The following DACH1 variants were observed in gnomAD, a reference collection of about 807,000 sequenced individuals.
DACH1 encodes dachshund family transcription factor 1.
A neutral mutation model predicts 54.2 loss-of-function variants in DACH1; 12 were observed. The ratio of observed to expected loss-of-function variants is 0.22; its 90% CI spans 0.14 to 0.36. DACH1 has a LOEUF of 0.36. DACH1 is among the 10% of genes least tolerant of loss of function. DACH1 has a pLI of 1.00. For missense variants in DACH1, 805 were observed against 929.8 expected (o/e 0.87, Z 1.75); for synonymous variants, 386 against 366.2 (o/e 1.05, Z -0.62).
At chr13:71,768,497 A>T (rs536860401) in intron 1 of DACH1, among the ~76,000 whole-genome samples, 2 of 151,956 alleles carry the variant, frequency 1.3e-5, no homozygotes, top group Non-Finnish European at 2.9e-5. Flanking sequence ...AACAAATGTG[A>T]CTGGAAAAAA....
At position 71,520,388 on chromosome 13, in the gene DACH1, T is replaced by C. The variant is rs369685788; in HGVS notation, c.1571-31240A>G. Among the ~76,000 whole-genome samples the C allele has an allele frequency of 7.2e-5, 11 of 151,810 alleles. No individual in the cohort carries two copies. In the East Asian group the frequency reaches 1.6e-3, roughly 21 times the overall value. On this transcript the variant is annotated intron_variant, in intron 6 of 10. Coordinates refer to ENST00000613252, the MANE Select transcript of DACH1 (RefSeq NM_080759.6). Reference sequence around the variant, plus strand: ...TATTTTAGACTATCCAGATTAAATATAGAATAAATTGAAGCTTGTCCCCAA... The same window carrying C: ...TATTTTAGACTATCCAGATTAAATACAGAATAAATTGAAGCTTGTCCCCAA...
chr13:71,506,821 A>C (rs1880371678), intron 6 of DACH1, among the ~76,000 whole-genome samples: 1 of 151,900 alleles, frequency 6.6e-6, no homozygotes, highest in African/African-American at 2.4e-5. Flanking sequence ...TTCCCTATTT[A>C]ATAAATGGTG....
chr13:71,519,882 A>ATTATATATATATATATATAT lies in DACH1; in HGVS notation c.1571-30735_1571-30734insATATATATATATATATATAA, dbSNP rs1555290464. On this transcript the variant is annotated intron_variant, in intron 6 of 10. Transcript: ENST00000613252. ...TAGATGTTTGTGTCCAAACCAAAGT[A>ATTATATATATATATATATAT]GTATATATATATATATATATATATA... Among the ~76,000 whole-genome samples, 43 of 35,548 alleles carry ATTATATATATATATATATAT rather than the reference A, an allele frequency of 1.2e-3. 1 individual carries two copies. Among genetic ancestry groups the ATTATATATATATATATATAT allele is most frequent in the South Asian group, 7.2e-3 (4 of 556 alleles). 23.3% of individuals were successfully genotyped at this position (35,548 alleles called of 152,430 possible).
chr13:71,580,491 G>A (rs1340331694), intron 3 of DACH1, among the ~76,000 whole-genome samples: 1 of 152,072 alleles, frequency 6.6e-6, no homozygotes, highest in African/African-American at 2.4e-5. Context: ...TACAAATGTT[G>A]CCCATGGCAA....
chr13:71,798,332 A>G (rs1190898239), intron 1 of DACH1, among the ~76,000 whole-genome samples: 1 of 88,062 alleles, frequency 1.1e-5, no homozygotes, highest in South Asian at 7.7e-4. Context: ...ACATATATAT[A>G]TATATATATA....
chr13:71,581,939 T>G (rs1475760765), intron 3 of DACH1, among the ~76,000 whole-genome samples: 1 of 152,146 alleles, frequency 6.6e-6, no homozygotes, highest in Non-Finnish European at 1.5e-5. Flanking sequence ...GTTTCGGTAA[T>G]AGTCATGCAG....
intron 1 of DACH1, among the ~76,000 whole-genome samples, chr13:71,738,392 A>G (rs1884231261): frequency 6.6e-6 from 1 of 152,174 alleles, no homozygotes; most frequent in Non-Finnish European, 1.5e-5. Flanking sequence ...AATAAAATTC[A>G]GGGAAAAAGA....
rs145474955 is a variant in DACH1 at position 71,692,119 on chromosome 13, T to C, written c.849-10209A>G. On this transcript the variant is annotated intron_variant, in intron 1 of 10. Coordinates refer to ENST00000613252, the MANE Select transcript of DACH1 (RefSeq NM_080759.6). Reference sequence around the variant, plus strand: ...GAGTACTTATAACATCTAATATTAGTATTAAAAGGTCATTTATTAAAGAAA... The same window carrying C: ...GAGTACTTATAACATCTAATATTAGCATTAAAAGGTCATTTATTAAAGAAA... Among the ~76,000 whole-genome samples, 17 of 152,072 alleles carry C rather than the reference T, an allele frequency of 1.1e-4. No individual in the cohort carries two copies. In the East Asian group the frequency reaches 3.3e-3, roughly 29 times the overall value.
At chr13:71,457,509 A>G (rs1875679642) in intron 10 of DACH1, among the ~76,000 whole-genome samples, 2 of 151,818 alleles carry the variant, frequency 1.3e-5, no homozygotes, top group Admixed American at 1.3e-4. Flanking sequence ...ATTCAAATCC[A>G]TCCTTTCTAA....
intron 1 of DACH1, among the ~76,000 whole-genome samples, chr13:71,747,176 ATTGT>A (rs1419703503): frequency 2.0e-5 from 3 of 152,148 alleles, no homozygotes; most frequent in Non-Finnish European, 4.4e-5. Context: ...ACAATTCAAA[ATTGT>A]TCACAATGAT....
At chr13:71,551,212 T>G (rs1243662481) in intron 6 of DACH1, among the ~76,000 whole-genome samples, 1 of 152,108 alleles carries the variant, frequency 6.6e-6, no homozygotes, top group Non-Finnish European at 1.5e-5. Context: ...ATTTTGGGAG[T>G]ACATGCGATA....
chr13:71,453,926 G>T (rs572924344), intron 10 of DACH1, among the ~76,000 whole-genome samples: 95 of 152,130 alleles, frequency 6.2e-4, no homozygotes, highest in African/African-American at 2.1e-3. Flanking sequence ...CTGATATTTA[G>T]ACAGTATATG....
At chr13:71,832,460 G>T (rs1888629206) in intron 1 of DACH1, among the ~76,000 whole-genome samples, 1 of 151,796 alleles carries the variant, frequency 6.6e-6, no homozygotes, top group African/African-American at 2.4e-5. Flanking sequence ...AATGTAAAAA[G>T]CAGAAAAAGT....
intron 6 of DACH1, among the ~76,000 whole-genome samples, chr13:71,531,466 T>C (rs746478237): frequency 2.8e-4 from 42 of 152,076 alleles, no homozygotes; most frequent in Non-Finnish European, 4.7e-4. Flanking sequence ...TGTACAACTA[T>C]GGATGAGGCC....
chr13:71,607,720 AT>A (rs1315126207), intron 3 of DACH1, among the ~76,000 whole-genome samples: 1 of 152,074 alleles, frequency 6.6e-6, no homozygotes, highest in Non-Finnish European at 1.5e-5. Context: ...ATATACAAAG[AT>A]TATCATGAGC....
intron 4 of DACH1, among the ~76,000 whole-genome samples, chr13:71,571,011 C>A (rs1885160602): frequency 6.6e-6 from 1 of 152,098 alleles, no homozygotes; most frequent in Non-Finnish European, 1.5e-5. Flanking sequence ...TGTAAGCCAT[C>A]CCTCATGCAA....
intron 1 of DACH1, among the ~76,000 whole-genome samples, chr13:71,727,664 T>G (rs531191751): frequency 1.3e-5 from 2 of 152,190 alleles, no homozygotes; most frequent in African/African-American, 2.4e-5. Flanking sequence ...AGGAAGAGAA[T>G]GTTGCTGTGG....
chr13:71,725,016 T>C (rs150496910), intron 1 of DACH1, among the ~76,000 whole-genome samples: 1 of 152,118 alleles, frequency 6.6e-6, no homozygotes, highest in Non-Finnish European at 1.5e-5. Flanking sequence ...GATATTACAA[T>C]TGGCAAAAAA....
At chr13:71,784,235 T>G (rs1886502869) in intron 1 of DACH1, among the ~76,000 whole-genome samples, 1 of 152,102 alleles carries the variant, frequency 6.6e-6, no homozygotes, top group Non-Finnish European at 1.5e-5. Flanking sequence ...GTTTTCTAAC[T>G]TCTAGAACTT....
Sources: allele counts gnomAD v4.1 joint callset (sites outside exome capture counted in the v4.1 genomes callset), GRCh38; gene constraint gnomAD v4.1.1; transcripts MANE v1.5; gene names NCBI Gene and HGNC (gene_info 2026-07-23, HGNC 2026-07-21).